DNAH6: variants seen among roughly 807,000 people sequenced by gnomAD.
DNAH6 encodes the protein dynein axonemal heavy chain 6.
In DNAH6, 340 loss-of-function variants were observed where a neutral mutation model predicts 491.4. The observed-to-expected ratio is 0.69, with a 90% confidence interval of 0.63 to 0.76. DNAH6 has a LOEUF of 0.76. Among genes scored for constraint, DNAH6 ranks in the 30% least tolerant of loss-of-function variants. DNAH6 has a pLI of 0.00. For synonymous variants in DNAH6, 1,603 were observed against 1,686.1 expected (o/e 0.95, Z 1.21); for missense variants, 4,443 against 4,972.2 (o/e 0.89, Z 3.20).
At chr2:84,734,862 A>G (rs1699407412) in intron 62 of DNAH6, among the ~76,000 whole-genome samples, 1 of 152,198 alleles carries the variant, frequency 6.6e-6, no homozygotes, top group Non-Finnish European at 1.5e-5. Context: ...TTTACTCTGA[A>G]TAATGCTTTT....
chr2:84,692,416 G>GATA (rs1416432297), intron 45 of DNAH6, among the ~76,000 whole-genome samples: 1 of 119,908 alleles, frequency 8.3e-6, no homozygotes, highest in Non-Finnish European at 1.8e-5. Context: ...ATATAAATAA[G>GATA]GTAGATAGAT....
At position 84,660,087 on chromosome 2, in the gene DNAH6, C is replaced by A. The variant is rs574268940; in HGVS notation, c.6084+918C>A. On this transcript the variant is annotated intron_variant, in intron 37 of 76. Transcript: ENST00000389394. Reference sequence around the variant, plus strand: ...AGACACAAAGACACCTTGATAGCAGCAATGAGCATATCTAGTATACTTATT... The same window carrying A: ...AGACACAAAGACACCTTGATAGCAGAAATGAGCATATCTAGTATACTTATT... 2.6e-5 allele frequency among the ~76,000 whole-genome samples: 4 copies of A among 152,176 alleles called. No individual in the cohort carries two copies. The South Asian group carries it at 8.3e-4, about 32-fold the overall frequency.
intron 61 of DNAH6, among the ~76,000 whole-genome samples, chr2:84,732,138 A>G (rs1166536171): frequency 6.6e-6 from 1 of 152,210 alleles, no homozygotes; most frequent in Non-Finnish European, 1.5e-5. Context: ...TGTTAAACAA[A>G]TAAGCAAGTG....
At position 84,518,012 on chromosome 2, in the gene DNAH6, G is replaced by A; in HGVS notation, c.186G>A (p.Lys62=). Residue 62 remains lysine (K), a synonymous_variant, in exon 2 of 77, where the codon AAG becomes AAA. Coordinates refer to ENST00000389394, the MANE Select transcript of DNAH6 (RefSeq NM_001370.2). ...TFRHITKAQE[K]TRKRQQPIKL... ...GGCACATTACAAAAGCTCAGGAGAA[G>A]ACAAGAAAACGACAGCAGCCTATAA... 1 of 1,534,552 alleles carries A rather than the reference G, an allele frequency of 6.5e-7. No individual in the cohort carries two copies. Among genetic ancestry groups the A allele is most frequent in the Non-Finnish European group, 8.8e-7 (1 of 1,137,688 alleles).
chr2:84,696,310 C>G (rs1217153646), intron 46 of DNAH6, among the ~76,000 whole-genome samples: 4 of 151,770 alleles, frequency 2.6e-5, no homozygotes, highest in African/African-American at 9.7e-5. Context: ...TTTGCCCATG[C>G]TTTAATTAAG....
At chr2:84,700,889 C>T (rs1338550419) in intron 48 of DNAH6, among the ~76,000 whole-genome samples, 2 of 152,184 alleles carry the variant, frequency 1.3e-5, no homozygotes, top group African/African-American at 4.8e-5. Flanking sequence ...ACTGTGGAGA[C>T]ATACTGGTCA....
At chr2:84,492,438 C>G in the DNAH6 span, among the ~76,000 whole-genome samples, 1 of 152,236 alleles carries the variant, frequency 6.6e-6, no homozygotes, top group Non-Finnish European at 1.5e-5. Context: ...TGTGGTGCCA[C>G]AAATTCCAGA....
At chr2:84,604,607 G>C in intron 19 of DNAH6, 56 bp downstream of exon 19, 3 of 1,340,048 alleles carry the variant, frequency 2.2e-6, no homozygotes, top group Non-Finnish European at 3.1e-6. Flanking sequence ...AAAGTTTTCA[G>C]ATTCAACATT....
At chr2:84,534,165 G>GTTT (rs1304217885) in intron 4 of DNAH6, among the ~76,000 whole-genome samples, 1 of 152,108 alleles carries the variant, frequency 6.6e-6, no homozygotes, top group Non-Finnish European at 1.5e-5. Flanking sequence ...GATGCTAAAT[G>GTTT]TTTAACACAG....
chr2:84,520,623 T>C (rs1676046338), intron 2 of DNAH6, among the ~76,000 whole-genome samples: 1 of 152,096 alleles, frequency 6.6e-6, no homozygotes, highest in South Asian at 2.1e-4. Context: ...CCTCTCTTTT[T>C]GTTCATGTGT....
intron 51 of DNAH6, 126 bp downstream of exon 51, chr2:84,704,428 AATTG>A: frequency 1.4e-6 from 1 of 721,552 alleles, no homozygotes; most frequent in Non-Finnish European, 2.3e-6. Context: ...TCATTCAACA[AATTG>A]ATTCAAGGAG....
At position 84,548,327 on chromosome 2, in the gene DNAH6, C is replaced by T. The variant is rs1369546761; in HGVS notation, c.1226C>T (p.Thr409Ile). The T allele has an allele frequency of 3.7e-6, 6 of 1,613,582 alleles. No homozygotes were observed. Among genetic ancestry groups the T allele is most frequent in the East Asian group, 2.2e-5 (1 of 44,858 alleles). ...CAGAGCAGTGGAAGTTTCATTAATA[C>T]ACCACATGAGTTGCCCACTTATGGA... ...KVQSSGSFIN[T>I]PHELPTYGDS... The change falls in exon 8 of 77, where the codon ACA becomes ATA. Residue 409 changes from threonine (T) to isoleucine (I), a missense_variant. Coordinates refer to ENST00000389394, the MANE Select transcript of DNAH6 (RefSeq NM_001370.2).
At chr2:84,588,715 A>G in intron 15 of DNAH6, 111 bp from the exon 16 acceptor site, 1 of 1,074,052 alleles carries the variant, frequency 9.3e-7, no homozygotes, top group Non-Finnish European at 1.3e-6. Context: ...TCTAAAAATC[A>G]AAAAGAAAAG....
Position 84,529,088 on chromosome 2 carries a change from A to G in DNAH6, c.584A>G (p.Glu195Gly). 1 of 1,551,046 alleles carries G rather than the reference A, an allele frequency of 6.4e-7. No homozygotes were observed. Among genetic ancestry groups the G allele is most frequent in the Non-Finnish European group, 8.7e-7 (1 of 1,146,566 alleles). Residue 195 changes from glutamate to glycine, a missense_variant, in exon 4 of 77, where the codon GAA becomes GGA. This residue lies in a region of DNAH6 where 2,977 missense variants were observed against 3,296.6 expected (regional missense o/e 0.90). Transcript: ENST00000389394. ...DPLQIIKIIR[E>G]NEHLGFLYMI... The stretch of plus-strand genomic sequence containing the variant: ...TTGCAAATCATTAAAATAATACGTG[A>G]AAATGAACATCTTGGATTTCTTTAT...
chr2:84,729,953 A>G (rs1698989032), intron 61 of DNAH6, among the ~76,000 whole-genome samples: 1 of 152,194 alleles, frequency 6.6e-6, no homozygotes, highest in African/African-American at 2.4e-5. Flanking sequence ...TTCTGTGGAA[A>G]AATGTGCAGT....
intron 49 of DNAH6, among the ~76,000 whole-genome samples, chr2:84,701,592 A>G (rs1394623466): frequency 6.6e-6 from 1 of 152,180 alleles, no homozygotes; most frequent in Non-Finnish European, 1.5e-5. Flanking sequence ...GAAACTTTCA[A>G]TCATGGCAGA....
intron 11 of DNAH6, among the ~76,000 whole-genome samples, chr2:84,559,219 G>C (rs1680392894): frequency 6.6e-6 from 1 of 152,158 alleles, no homozygotes; most frequent in African/African-American, 2.4e-5. Context: ...ATTTTAAAAA[G>C]TCCTGGTGTA....
At chr2:84,773,953 C>A (rs2105189384) in intron 64 of DNAH6, among the ~76,000 whole-genome samples, 1 of 151,240 alleles carries the variant, frequency 6.6e-6, no homozygotes, top group East Asian at 2.0e-4. Flanking sequence ...GTTGAATTAA[C>A]TTTCTTATAG....
chr2:84,688,687 T>C (rs1236469125), intron 45 of DNAH6, 94 bp downstream of exon 45: 1 of 991,836 alleles, frequency 1.0e-6, no homozygotes, highest in Non-Finnish European at 1.4e-6. Flanking sequence ...TCAAACAGAT[T>C]GCTAGATGGT....
Sources: allele counts gnomAD v4.1 joint callset (sites outside exome capture counted in the v4.1 genomes callset), GRCh38; gene constraint gnomAD v4.1.1; regional missense constraint gnomAD v4.1.1; transcripts MANE v1.5; gene names NCBI Gene and HGNC (gene_info 2026-07-23, HGNC 2026-07-21).